The following WDFY3 variants were observed in gnomAD, a reference collection of about 807,000 sequenced individuals.
WDFY3 encodes WD repeat and FYVE domain-containing protein 3.
A neutral mutation model predicts 409.6 loss-of-function variants in WDFY3; 66 were observed. That is an observed-to-expected ratio of 0.16 (90% CI 0.13 to 0.20). The LOEUF (loss-of-function observed/expected upper bound fraction) is 0.20, where lower values mean the gene tolerates loss of function less well. Among genes scored for constraint, WDFY3 ranks in the 10% least tolerant of loss-of-function variants. The pLI, the probability that WDFY3 is intolerant of heterozygous loss-of-function variation, is 1.00. For missense variants in WDFY3, 3,031 were observed against 4,298.1 expected, an observed-to-expected ratio of 0.71 and a Z score of 8.24; for synonymous variants, 1,521 against 1,537.1, an observed-to-expected ratio of 0.99 and a Z score of 0.25.
chr4:84,750,727 C>G (rs769684458), intron 36 of WDFY3, among the ~76,000 whole-genome samples: 2 of 152,104 alleles, frequency 1.3e-5, no homozygotes, highest in Non-Finnish European at 2.9e-5. Flanking sequence ...TAATGCTTTT[C>G]TGGGATAGCT....
chr4:84,759,235 G>T (rs1044422028), intron 32 of WDFY3, among the ~76,000 whole-genome samples: 47 of 152,170 alleles, frequency 3.1e-4, no homozygotes, highest in African/African-American at 1.1e-3. Flanking sequence ...AATCAGGTAG[G>T]GTGATGCCTC....
intron 44 of WDFY3, among the ~76,000 whole-genome samples, chr4:84,729,672 A>G (rs1736256617): frequency 1.2e-5 from 1 of 84,106 alleles, no homozygotes; most frequent in Non-Finnish European, 2.5e-5. Flanking sequence ...TTTAAGAAAT[A>G]AAACTTTAAT....
chr4:84,957,608 T>C (rs749296781), intron 1 of WDFY3, among the ~76,000 whole-genome samples: 2 of 152,212 alleles, frequency 1.3e-5, no homozygotes, highest in South Asian at 2.1e-4. Flanking sequence ...CACAGTTTTA[T>C]GACCCTAATG....
At chr4:84,812,268 T>C (rs1752625764) in intron 13 of WDFY3, among the ~76,000 whole-genome samples, 3 of 152,172 alleles carry the variant, frequency 2.0e-5, no homozygotes, top group Admixed American at 2.0e-4. Context: ...AGTTTCCCTA[T>C]CTTGTCAAAT....
rs752093036 is a variant in WDFY3 at position 84,774,817 on chromosome 4, T to C, written c.4754+3A>G. On this transcript the variant is annotated splice_donor_region_variant and intron_variant, in intron 29 of 67. Coordinates refer to ENST00000295888, the MANE Select transcript of WDFY3 (RefSeq NM_014991.6). ...AAGACAAAGACAAAGAAGTTTTTCC[T>C]ACCTGAGCAGATCATTGCTGCTAGG... 30 of 1,599,280 alleles carry C rather than the reference T, an allele frequency of 1.9e-5. No homozygotes were observed. The South Asian group carries it at 2.6e-4, about 14-fold the overall frequency.
chr4:84,765,658 T>C, intron 32 of WDFY3, 152 bp downstream of exon 32: 1 of 632,566 alleles, frequency 1.6e-6, no homozygotes, highest in Non-Finnish European at 2.6e-6. Context: ...AAGGACTAAT[T>C]TGAAATCTTG....
At chr4:84,858,401 C>T (rs1012855561) in intron 4 of WDFY3, among the ~76,000 whole-genome samples, 1 of 151,954 alleles carries the variant, frequency 6.6e-6, no homozygotes, top group African/African-American at 2.4e-5. Context: ...GATAGTCTAT[C>T]TACTGAACAT....
At chr4:84,697,315 T>G (rs1238966998) in intron 56 of WDFY3, among the ~76,000 whole-genome samples, 1 of 152,228 alleles carries the variant, frequency 6.6e-6, no homozygotes, top group East Asian at 1.9e-4. Context: ...TCGCTGACTC[T>G]TAGGTTCTCA....
intron 5 of WDFY3, among the ~76,000 whole-genome samples, chr4:84,844,759 A>C (rs527755496): frequency 6.6e-6 from 1 of 152,348 alleles, no homozygotes; most frequent in Admixed American, 6.5e-5. Context: ...ATGTGCCCTT[A>C]AACTTAAGCA....
intron 22 of WDFY3, 134 bp from the exon 23 acceptor site, chr4:84,787,847 A>G: frequency 6.2e-6 from 5 of 803,914 alleles, no homozygotes; most frequent in South Asian, 5.6e-5. Context: ...GGGGTGGAGA[A>G]ACAGGAAGGG....
Position 84,679,165 on chromosome 4 carries a change from G to C in WDFY3, c.9901C>G (p.Pro3301Ala), listed in dbSNP as rs1726887745. 1 of 1,613,280 alleles carries C rather than the reference G, an allele frequency of 6.2e-7. No homozygotes were observed. Among genetic ancestry groups the C allele is most frequent in the Non-Finnish European group, 8.5e-7 (1 of 1,179,558 alleles). Reference protein sequence around the residue: ...QSISQDPKDTPSQPSSTSHRP... With the variant: ...QSISQDPKDTASQPSSTSHRP... ...TGGCTGGTGCTGCTGGGTTGGCTTG[G>C]AGTGTCCTTAGGGTCCTGGCTGATG... The change falls in exon 65 of 68, where the codon CCA becomes GCA. Residue 3301 changes from proline to alanine, a missense_variant. Around this residue, in one of 16 missense-constraint regions of WDFY3, gnomAD observed 378 missense variants for 477.3 expected, o/e 0.79. Coordinates refer to ENST00000295888, the MANE Select transcript of WDFY3 (RefSeq NM_014991.6).
At chr4:84,837,318 T>G (rs1186876173) in intron 6 of WDFY3, among the ~76,000 whole-genome samples, 3 of 152,152 alleles carry the variant, frequency 2.0e-5, no homozygotes, top group Non-Finnish European at 4.4e-5. Flanking sequence ...TCAATTAAAT[T>G]TAATATTTAT....
At chr4:84,713,346 C>T (rs1052039083) in intron 50 of WDFY3, 107 bp from the exon 51 acceptor site, 3 of 927,542 alleles carry the variant, frequency 3.2e-6, no homozygotes, top group Non-Finnish European at 5.1e-6. Context: ...TGCGTCTACC[C>T]TCCCATAACC....
rs143750130 is a variant in WDFY3, at chr4:84,748,109, C to T, written c.5973+3374G>A. 4.1e-3 allele frequency among the ~76,000 whole-genome samples: 622 copies of T among 152,176 alleles called. 4 individuals are homozygous for T. The highest frequency in any genetic ancestry group is 0.014 in the African/African-American group (582 of 41,526). On this transcript the variant is annotated intron_variant, in intron 36 of 67. Transcript: ENST00000295888. ...TTCCCATTGCCACGGTATTTATTTG[C>T]AGCAAATTCATTTGGCTCTTCATGA...
chr4:84,678,219 T>C lies in WDFY3; in HGVS notation c.10208A>G (p.Asp3403Gly). The C allele has an allele frequency of 3.1e-6, 5 of 1,614,098 alleles. No homozygotes were observed. In the South Asian group the frequency reaches 4.4e-5, roughly 14 times the overall value. The change falls in exon 66 of 68, where the codon GAT (aspartate) becomes GGT (glycine). Residue 3403 changes from aspartate (D) to glycine (G), a missense_variant. Transcript: ENST00000295888. ...AGCTGGGTGTGCATTGTCCTTTCGA[T>C]CAAAGGCTGTGTGCATAGTCAGCTT... ...RSKLTMHTAF[D>G]RKDNAHPAEV...
intron 5 of WDFY3, chr4:84,849,675 G>A: frequency 2.4e-6 from 1 of 423,958 alleles, no homozygotes; most frequent in Non-Finnish European, 4.1e-6. Context: ...AAGGGTTAGG[G>A]TGGAAGTGGT....
intron 2 of WDFY3, among the ~76,000 whole-genome samples, chr4:84,909,790 A>C (rs1352264825): frequency 1.3e-5 from 2 of 152,160 alleles, no homozygotes; most frequent in Non-Finnish European, 2.9e-5. Flanking sequence ...AAGCAAGACA[A>C]ATATTTTCTT....
chr4:84,837,061 TG>T lies in WDFY3; in HGVS notation c.443del (p.Ser148Ter). On this transcript the variant is annotated frameshift_variant, in exon 7 of 68. Transcript: ENST00000295888. LOFTEE classifies it high-confidence loss of function. ...QKTVDCMTTM[S>X]VPSTLVKCLY... is the part of the protein sequence containing the mutation. The stretch of plus-strand genomic sequence containing the variant: ...AACATTTAACCAGGGTGGAAGGCAC[TG>T]ACATTGTTGTCATGCAGTCCACGGT... 1 of 1,571,880 alleles carries T rather than the reference TG, an allele frequency of 6.4e-7. No homozygotes were observed. The highest frequency in any genetic ancestry group is 1.4e-5 in the African/African-American group (1 of 73,770).
chr4:84,895,354 T>G (rs528765752), intron 3 of WDFY3, among the ~76,000 whole-genome samples: 1 of 152,306 alleles, frequency 6.6e-6, no homozygotes, highest in South Asian at 2.1e-4. Flanking sequence ...GGCAGTTAAC[T>G]ATCAATAGAG....
Sources: allele counts gnomAD v4.1 joint callset (sites outside exome capture counted in the v4.1 genomes callset), GRCh38; gene constraint gnomAD v4.1.1; regional missense constraint gnomAD v4.1.1; transcripts MANE v1.5; gene names NCBI Gene and HGNC (gene_info 2026-07-23, HGNC 2026-07-21).